Variants in CSRNP1 observed in about 807,000 individuals in gnomAD.
CSRNP1 encodes the protein cysteine and serine rich nuclear protein 1.
CSRNP1 carries 8 observed loss-of-function variants against 25.0 expected under a neutral mutation model. The ratio of observed to expected loss-of-function variants is 0.32; its 90% CI spans 0.19 to 0.58. CSRNP1 has a LOEUF of 0.58. CSRNP1 is among the 20% of genes least tolerant of loss of function. The probability of loss-of-function intolerance (pLI) is 0.88; values close to 1 mark genes in which losing one functional copy is unlikely to be tolerated. For missense variants in CSRNP1, 691 were observed against 773.1 expected (o/e 0.89, Z 1.26); for synonymous variants, 305 against 303.1 (o/e 1.01, Z -0.06).
At chr3:39,147,346 GCA>G in intron 1 of CSRNP1, among the ~76,000 whole-genome samples, 1 of 152,074 alleles carries the variant, frequency 6.6e-6, no homozygotes, top group South Asian at 2.1e-4. Context: ...ACGCCACTCT[GCA>G]CACAGGCAGG....
chr3:39,153,386 G>GCCA, intron 1 of CSRNP1, 52 bp downstream of exon 1: 1 of 222,356 alleles, frequency 4.5e-6, no homozygotes, highest in South Asian at 3.5e-5. Flanking sequence ...CGCGCTGAAT[G>GCCA]CCCCCTCCCC....
chr3:39,145,415 T>C lies in CSRNP1; in HGVS notation c.206-159A>G, dbSNP rs556032126. 5.1e-4 allele frequency among the ~76,000 whole-genome samples: 78 copies of C among 152,312 alleles called. 1 individual carries two copies. Among genetic ancestry groups the C allele is most frequent in the South Asian group, 4.6e-3 (22 of 4,828 alleles). ...AATGTGAATTTAGGAGCCTGTGTGGTTGGGACTGGAGCGGCTGAAACTGAA... is the reference window on the plus strand; with the variant it reads ...AATGTGAATTTAGGAGCCTGTGTGGCTGGGACTGGAGCGGCTGAAACTGAA... On this transcript the variant is annotated intron_variant, in intron 2 of 4. Coordinates refer to ENST00000273153, the MANE Select transcript of CSRNP1 (RefSeq NM_033027.4).
intron 1 of CSRNP1, among the ~76,000 whole-genome samples, chr3:39,147,211 C>CTGTGTGTGTG (rs10679310): frequency 5.9e-4 from 88 of 148,568 alleles, no homozygotes; most frequent in African/African-American, 1.1e-3. Context: ...ATCTGTGTGC[C>CTGTGTGTGTG]TGTGTGTGTG....
In CSRNP1 at chr3:39,144,157, G is replaced by C. The variant is rs2039466813; in HGVS notation, c.760C>G (p.Leu254Val). Residue 254 changes from leucine (L) to valine (V), a missense_variant, in exon 4 of 5, where the codon CTG becomes GTG. Coordinates refer to ENST00000273153, the MANE Select transcript of CSRNP1 (RefSeq NM_033027.4). ...ICDPETCSCS[L>V]AGIKCQMDHT... ...CACACCTGGCACTTGATGCCTGCCAGGCTGCAGCTGCAGGTCTCAGGGTCG... is the reference window on the plus strand; with the variant it reads ...CACACCTGGCACTTGATGCCTGCCACGCTGCAGCTGCAGGTCTCAGGGTCG... 1 of 1,613,292 alleles carries C rather than the reference G, an allele frequency of 6.2e-7. No homozygotes were observed. Among genetic ancestry groups the C allele is most frequent in the East Asian group, 2.2e-5 (1 of 44,846 alleles).
At position 39,142,120 on chromosome 3, in the gene CSRNP1, T is replaced by A. The variant is rs1013590180; in HGVS notation, c.*935A>T. 2.0e-5 allele frequency: 3 copies of A among 152,488 alleles called. No homozygotes were observed. Among genetic ancestry groups the A allele is most frequent in the African/African-American group, 7.2e-5 (3 of 41,470 alleles). 9.4% of individuals were successfully genotyped at this position (152,488 alleles called of 1,614,324 possible). A position where few individuals can be genotyped will look rare whatever the true frequency, so the allele number is the denominator to read the frequency against. ...CAACTGGCCTCAGGGCATGGGCAGGTGGGCCACGCTGAAGTGCAGTGCCCA... is the reference window on the plus strand; with the variant it reads ...CAACTGGCCTCAGGGCATGGGCAGGAGGGCCACGCTGAAGTGCAGTGCCCA... On this transcript the variant is annotated 3_prime_UTR_variant, in exon 5 of 5. Transcript: ENST00000273153.
intron 2 of CSRNP1, among the ~76,000 whole-genome samples, chr3:39,146,087 T>G (rs961300060): frequency 4.6e-5 from 7 of 152,178 alleles, no homozygotes; most frequent in African/African-American, 7.2e-5. Flanking sequence ...ATGGACAGCA[T>G]TTTGACAGGA....
chr3:39,144,647 G>A (rs866525360), intron 3 of CSRNP1, among the ~76,000 whole-genome samples, 196 bp from the exon 4 acceptor site: 1 of 151,262 alleles, frequency 6.6e-6, no homozygotes, highest in South Asian at 2.1e-4. Flanking sequence ...AAAAAAAAGA[G>A]ATATCCTACT....
chr3:39,143,704 T>G lies in CSRNP1; in HGVS notation c.1121A>C (p.His374Pro). The G allele has an allele frequency of 6.2e-7, 1 of 1,613,998 alleles. No individual in the cohort carries two copies. Among genetic ancestry groups the G allele is most frequent in the Non-Finnish European group, 8.5e-7 (1 of 1,179,980 alleles). ...GAAGCCAGGGCCAGGCAGGCCTGGG[T>G]GGGTGGGGCAGTCAGGAGCCTCACT... ...GTSEAPDCPT[H>P]PGLPGPGFQP... is the part of the protein sequence containing the mutation. Residue 374 changes from histidine to proline, a missense_variant, in exon 5 of 5, where the codon CAC (histidine) becomes CCC (proline). By Grantham distance (77) the His-to-Pro change is moderately conservative. Transcript: ENST00000273153.
chr3:39,147,761 A>T (rs2039537182), intron 1 of CSRNP1, among the ~76,000 whole-genome samples: 1 of 152,076 alleles, frequency 6.6e-6, no homozygotes, highest in Non-Finnish European at 1.5e-5. Flanking sequence ...ATGCTTCAGC[A>T]AATAAGGGTC....
chr3:39,144,509 T>TA, intron 3 of CSRNP1, 58 bp from the exon 4 acceptor site: 2 of 1,503,840 alleles, frequency 1.3e-6, no homozygotes, highest in Non-Finnish European at 1.8e-6. Flanking sequence ...GGCTTAGCCC[T>TA]ACTGTCACTA....
In CSRNP1 at chr3:39,141,952, C is replaced by T. The variant is rs2039417047; in HGVS notation, c.*1103G>A. 6.5e-6 allele frequency: 1 copy of T among 152,676 alleles called. No individual in the cohort carries two copies. Among genetic ancestry groups the T allele is most frequent in the African/African-American group, 2.4e-5 (1 of 41,444 alleles). 9.5% of individuals were successfully genotyped at this position (152,676 alleles called of 1,614,324 possible). Reference sequence around the variant, plus strand: ...AGGCCTCCTGGGCAAGGGGCAGGCCCAGAGCCTGCGTTTCTTGGCACAGAC... The same window carrying T: ...AGGCCTCCTGGGCAAGGGGCAGGCCTAGAGCCTGCGTTTCTTGGCACAGAC... On this transcript the variant is annotated 3_prime_UTR_variant, in exon 5 of 5. Transcript: ENST00000273153.
chr3:39,154,006 T>G (rs1416322153), upstream of CSRNP1: 2 of 152,200 alleles, frequency 1.3e-5, no homozygotes, highest in East Asian at 3.9e-4. Flanking sequence ...CGACGTCTCC[T>G]GTACGCTCTC....
intron 2 of CSRNP1, 46 bp downstream of exon 2, chr3:39,146,432 A>G: frequency 1.4e-6 from 2 of 1,479,330 alleles, no homozygotes; most frequent in Non-Finnish European, 1.8e-6. Context: ...TTCATCTTTC[A>G]GGAAGGCAGG....
rs913212988 is a variant in CSRNP1 at position 39,143,276 on chromosome 3, C to A, written c.1549G>T (p.Gly517Trp). The change falls in exon 5 of 5, where the codon GGG becomes TGG. Residue 517 changes from glycine (G) to tryptophan (W), a missense_variant. Gly to Trp is a radical substitution (Grantham distance 184). Transcript: ENST00000273153. ...LLQALPDYSL[G>W]PHYTSQKVSD... is the part of the protein sequence containing the mutation. ...ACCTTCTGTGATGTGTAGTGAGGCC[C>A]CAGACTATAATCTGGCAGAGCCTGG... 1 of 1,614,046 alleles carries A rather than the reference C, an allele frequency of 6.2e-7. No homozygotes were observed. The highest frequency in any genetic ancestry group is 8.5e-7 in the Non-Finnish European group (1 of 1,180,034).
At chr3:39,152,846 TGA>T (rs2039603031) in intron 1 of CSRNP1, 1 of 152,612 alleles carries the variant, frequency 6.6e-6, no homozygotes, top group Admixed American at 6.5e-5. Flanking sequence ...CAGTGGCCTC[TGA>T]GAGTGACGGC....
chr3:39,147,453 C>G (rs1337907205), intron 1 of CSRNP1, among the ~76,000 whole-genome samples: 2 of 152,086 alleles, frequency 1.3e-5, no homozygotes, highest in African/African-American at 4.8e-5. Context: ...TTTCTGAGCC[C>G]TTCCCCTCCC....
chr3:39,144,232 C>A lies in CSRNP1; in HGVS notation c.685G>T (p.Ala229Ser). 1 of 1,614,174 alleles carries A rather than the reference C, an allele frequency of 6.2e-7. No individual in the cohort carries two copies. ...IDREEKRELQ[A>S]LRQSREDCGC... ...CAATCCTCCCGGGATTGGCGCAGTG[C>A]CTGCAGCTCCCGCTTCTCCTCCCGA... The change falls in exon 4 of 5, where the codon GCA becomes TCA. Residue 229 changes from alanine (A) to serine (S), a missense_variant. By Grantham distance (99) the Ala-to-Ser change is moderately conservative. Coordinates refer to ENST00000273153, the MANE Select transcript of CSRNP1 (RefSeq NM_033027.4).
rs540112925 is a variant in CSRNP1 at position 39,144,309 on chromosome 3, G to A, written c.608C>T (p.Pro203Leu). The A allele has an allele frequency of 8.5e-5, 138 of 1,614,150 alleles. No homozygotes were observed. In the South Asian group the frequency reaches 1.5e-3, roughly 17 times the overall value. ...LEEVSFLQPY[P>L]ARRRRALLRA... ...CAGCAGAGCTCGACGTCGCCGGGCT[G>A]GGTAGGGCTGTAGGAAGCTCACTTC... The change falls in exon 4 of 5, where the codon CCA becomes CTA. Residue 203 changes from proline to leucine, a missense_variant. Transcript: ENST00000273153.
Position 39,144,297 on chromosome 3 carries a change from C to T in CSRNP1, c.620G>A (p.Arg207His), listed in dbSNP as rs1314435386. ...ACCTGAAGCCCTCAGCAGAGCTCGA[C>T]GTCGCCGGGCTGGGTAGGGCTGTAG... ...SFLQPYPARR[R>H]RALLRASGVR... Residue 207 changes from arginine to histidine, a missense_variant, in exon 4 of 5, where the codon CGT (arginine) becomes CAT (histidine). Physicochemically the swap from Arg to His is conservative, Grantham distance 29. Coordinates refer to ENST00000273153, the MANE Select transcript of CSRNP1 (RefSeq NM_033027.4). 5 of 1,614,084 alleles carry T rather than the reference C, an allele frequency of 3.1e-6. No homozygotes were observed. Among genetic ancestry groups the T allele is most frequent in the Admixed American group, 1.7e-5 (1 of 60,008 alleles).
Sources: allele counts gnomAD v4.1 joint callset (sites outside exome capture counted in the v4.1 genomes callset), GRCh38; gene constraint gnomAD v4.1.1; transcripts MANE v1.5; gene names NCBI Gene and HGNC (gene_info 2026-07-23, HGNC 2026-07-21).